Variants in RUBCN observed in about 807,000 individuals in gnomAD.
RUBCN encodes rubicon autophagy regulator.
Under a neutral mutation model 113.2 loss-of-function variants are expected in RUBCN, and 74 were observed. That is an observed-to-expected ratio of 0.65 (90% CI 0.54 to 0.79). RUBCN has a LOEUF of 0.79. Ranked by LOEUF, RUBCN falls within the 30% of genes least tolerant of loss-of-function variation. The pLI, the probability that RUBCN is intolerant of heterozygous loss-of-function variation, is 0.00. For synonymous variants in RUBCN, 480 were observed against 490.0 expected, an observed-to-expected ratio of 0.98 and a Z score of 0.27; for missense variants, 1,109 against 1,251.7, an observed-to-expected ratio of 0.89 and a Z score of 1.72.
At chr3:197,730,568 A>ATTT (rs1291161661) in intron 1 of RUBCN, among the ~76,000 whole-genome samples, 1,622 of 138,604 alleles carry the variant, frequency 0.012, 43 homozygotes, top group African/African-American at 0.042. Flanking sequence ...TACACCCTAG[A>ATTT]TTTTTTTTTT....
chr3:197,736,975 G>A (rs1560479970), upstream of RUBCN: 19 of 1,268,270 alleles, frequency 1.5e-5, no homozygotes, highest in Non-Finnish European at 1.5e-5. Context: ...CGCAGGACGC[G>A]TCCTCCAATC....
intron 1 of RUBCN, among the ~76,000 whole-genome samples, chr3:197,720,441 T>C (rs1726020671): frequency 1.3e-5 from 2 of 152,012 alleles, no homozygotes; most frequent in Non-Finnish European, 2.9e-5. Context: ...AGACTCTCAC[T>C]CTGTCGCCCA....
Position 197,672,112 on chromosome 3 carries a change from A to C in RUBCN, c.*2906T>G, listed in dbSNP as rs1278484908. 2 of 152,218 alleles carry C rather than the reference A, an allele frequency of 1.3e-5. No homozygotes were observed. Among genetic ancestry groups the C allele is most frequent in the Non-Finnish European group, 2.9e-5 (2 of 68,030 alleles). The allele number at this position is 152,218 out of a possible 1,614,324, so 9.4% of individuals were successfully genotyped here. On this transcript the variant is annotated 3_prime_UTR_variant, in exon 20 of 20. Transcript: ENST00000296343. Reference sequence around the variant, plus strand: ...CGGCACACACGGAACATCTCTACTAAGACTCGCACTCCTTTTATGTTAGTT... The same window carrying C: ...CGGCACACACGGAACATCTCTACTACGACTCGCACTCCTTTTATGTTAGTT...
intron 1 of RUBCN, among the ~76,000 whole-genome samples, chr3:197,726,385 T>C (rs542938479): frequency 6.6e-6 from 1 of 151,890 alleles, no homozygotes; most frequent in South Asian, 2.1e-4. Context: ...TAGCTGGGAC[T>C]ACAGGTGCCC....
intron 2 of RUBCN, among the ~76,000 whole-genome samples, chr3:197,705,558 C>A (rs1466167983): frequency 1.6e-5 from 2 of 127,994 alleles, no homozygotes. Context: ...GAGTGAGACC[C>A]TAACTCAGAA....
intron 1 of RUBCN, among the ~76,000 whole-genome samples, chr3:197,724,226 T>G (rs1414017433): frequency 6.6e-6 from 1 of 152,200 alleles, no homozygotes; most frequent in Admixed American, 6.5e-5. Flanking sequence ...TTTTCCTAGA[T>G]GCCAACTCAG....
chr3:197,712,994 G>A (rs905046849), intron 2 of RUBCN, among the ~76,000 whole-genome samples: 4 of 151,848 alleles, frequency 2.6e-5, no homozygotes, highest in Admixed American at 2.0e-4. Context: ...CGAGTAGCTG[G>A]GATTACAGGC....
At chr3:197,739,155 G>A (rs1036189284), upstream of RUBCN, among the ~76,000 whole-genome samples, 2 of 151,730 alleles carry the variant, frequency 1.3e-5, no homozygotes, top group African/African-American at 2.4e-5. Context: ...TGGTCAGGCC[G>A]GTCTTGAACT....
chr3:197,680,532 T>G (rs1184317792), intron 16 of RUBCN, among the ~76,000 whole-genome samples: 3 of 152,070 alleles, frequency 2.0e-5, no homozygotes, highest in Non-Finnish European at 4.4e-5. Flanking sequence ...ACGCTCTAAC[T>G]GACAACTGGC....
intron 8 of RUBCN, among the ~76,000 whole-genome samples, chr3:197,696,381 A>AC (rs1723003083): frequency 6.6e-6 from 1 of 151,856 alleles, no homozygotes; most frequent in African/African-American, 2.4e-5. Context: ...TCAAAAAAAA[A>AC]AAAACAAAAC....
intron 3 of RUBCN, 33 bp downstream of exon 3, chr3:197,705,059 C>A (rs778188098): frequency 1.3e-6 from 2 of 1,553,940 alleles, no homozygotes; most frequent in South Asian, 2.3e-5. Context: ...ACCCACAGCT[C>A]TGCCAGCACA....
rs1022546362 is a variant in RUBCN, at chr3:197,674,784, T to C, written c.*234A>G. On this transcript the variant is annotated 3_prime_UTR_variant, in exon 20 of 20. Transcript: ENST00000296343. Reference sequence around the variant, plus strand: ...TGAAGGACCCGCATGTCAGTTCTGATGGAAACACCTGGTGTTTACAAATTA... The same window carrying C: ...TGAAGGACCCGCATGTCAGTTCTGACGGAAACACCTGGTGTTTACAAATTA... 1.1e-5 allele frequency: 6 copies of C among 532,026 alleles called. No homozygotes were observed. The highest frequency in any genetic ancestry group is 7.9e-5 in the African/African-American group (4 of 50,694). The allele number at this position is 532,026 out of a possible 1,614,324, so 33.0% of individuals were successfully genotyped here. A position where few individuals can be genotyped will look rare whatever the true frequency, so the allele number is the denominator to read the frequency against.
At chr3:197,730,362 C>T (rs756959395) in intron 1 of RUBCN, among the ~76,000 whole-genome samples, 11 of 152,194 alleles carry the variant, frequency 7.2e-5, no homozygotes, top group Non-Finnish European at 7.4e-5. Context: ...AAGAGTCAGC[C>T]CCGGGATTTT....
chr3:197,699,819 A>G (rs1270444643), intron 7 of RUBCN, among the ~76,000 whole-genome samples: 2 of 152,068 alleles, frequency 1.3e-5, no homozygotes, highest in East Asian at 3.9e-4. Context: ...TAGGTCCTTG[A>G]ATTTTTCACA....
chr3:197,675,442 T>C lies in RUBCN; in HGVS notation c.2720A>G (p.His907Arg), dbSNP rs1409161321. ...EDDIIFPFEL[H>R]KCRTCEECKA... ...CTCACCTTCACAGGTCCGGCACTTA[T>C]GGAGCTCAAAGGGAAAGATGATGTC... Residue 907 changes from histidine to arginine, a missense_variant, in exon 19 of 20, where the codon CAT becomes CGT. By Grantham distance (29) the His-to-Arg change is conservative. Transcript: ENST00000296343. The surrounding 1 kb of genome is among the most constrained non-coding windows in gnomAD (Gnocchi z 4.4). 5.0e-6 allele frequency: 8 copies of C among 1,613,840 alleles called. No individual in the cohort carries two copies. The Admixed American group carries it at 6.7e-5, about 13-fold the overall frequency.
At chr3:197,697,168 A>G in intron 7 of RUBCN, 119 bp from the exon 8 acceptor site, 4 of 682,046 alleles carry the variant, frequency 5.9e-6, no homozygotes, top group Non-Finnish European at 1.1e-5. Context: ...CAAGCAGGAG[A>G]GAGGCGGCAC....
chr3:197,689,849 A>G (rs1580203133), intron 11 of RUBCN, among the ~76,000 whole-genome samples: 2 of 152,262 alleles, frequency 1.3e-5, no homozygotes, highest in East Asian at 3.9e-4. Context: ...GCTATTTTGA[A>G]ATACAGAATA....
intron 18 of RUBCN, chr3:197,676,090 C>T (rs974241470): frequency 1.8e-5 from 11 of 612,876 alleles, no homozygotes; most frequent in Admixed American, 5.5e-5. Flanking sequence ...ACAATAACGA[C>T]GTGCGTTTGA....
chr3:197,732,255 G>A (rs1560473806), intron 1 of RUBCN, among the ~76,000 whole-genome samples: 1 of 152,202 alleles, frequency 6.6e-6, no homozygotes, highest in Non-Finnish European at 1.5e-5. Flanking sequence ...GCATGGCCAA[G>A]GCGGTCTAGG....
Sources: gnomAD v4.1 joint callset for allele counts (sites outside exome capture counted in the v4.1 genomes callset) on GRCh38, gnomAD v4.1.1 for gene constraint, Gnocchi (gnomAD v3.1) non-coding constraint, MANE v1.5 for transcripts, NCBI Gene and HGNC (gene_info 2026-07-23, HGNC 2026-07-21) for gene names.